Variants in PLXDC2 observed in about 807,000 individuals in gnomAD.
PLXDC2 encodes plexin domain containing 2.
A neutral mutation model predicts 68.9 loss-of-function variants in PLXDC2; 40 were observed. The ratio of observed to expected loss-of-function variants is 0.58; its 90% CI spans 0.45 to 0.76. The LOEUF (loss-of-function observed/expected upper bound fraction) is 0.76. PLXDC2 is among the 30% of genes least tolerant of loss of function. The pLI, the probability that PLXDC2 is intolerant of heterozygous loss-of-function variation, is 0.00. For missense variants in PLXDC2, 644 were observed against 661.9 expected, an observed-to-expected ratio of 0.97 and a Z score of 0.30; for synonymous variants, 243 against 234.2, an observed-to-expected ratio of 1.04 and a Z score of -0.34.
intron 1 of PLXDC2, among the ~76,000 whole-genome samples, chr10:19,820,228 A>G (rs1836438059): frequency 6.6e-6 from 1 of 152,182 alleles, no homozygotes; most frequent in Non-Finnish European, 1.5e-5. Flanking sequence ...TCAGAAATAA[A>G]CTCTTGTCAG....
intron 1 of PLXDC2, among the ~76,000 whole-genome samples, chr10:19,905,091 A>G (rs2131370174): frequency 6.6e-6 from 1 of 152,360 alleles, no homozygotes; most frequent in African/African-American, 2.4e-5. Flanking sequence ...AGGTGTAGGC[A>G]TAGGTAACAC....
intron 4 of PLXDC2, among the ~76,000 whole-genome samples, chr10:20,140,055 C>T (rs956316252): frequency 6.6e-5 from 10 of 152,072 alleles, no homozygotes; most frequent in African/African-American, 2.2e-4. Context: ...AATCCCAGCA[C>T]TTTGGGAGGC....
chr10:20,014,366 C>CCTTCCTTCCTTG (rs1835168801), intron 2 of PLXDC2, among the ~76,000 whole-genome samples: 1 of 70,020 alleles, frequency 1.4e-5, no homozygotes, highest in African/African-American at 4.8e-5. Context: ...TTCCTTCCTT[C>CCTTCCTTCCTTG]CTTCCTTCCT....
chr10:19,817,953 C>T (rs1439994924), intron 1 of PLXDC2, among the ~76,000 whole-genome samples: 2 of 152,152 alleles, frequency 1.3e-5, no homozygotes, highest in African/African-American at 4.8e-5. Flanking sequence ...GCGCGTCCTG[C>T]GGGGAGTTGC....
chr10:19,898,969 T>TTG (rs1311088252), intron 1 of PLXDC2, among the ~76,000 whole-genome samples: 1 of 152,170 alleles, frequency 6.6e-6, no homozygotes, highest in Non-Finnish European at 1.5e-5. Context: ...GCTTAACACT[T>TTG]TGTCTATGCT....
chr10:19,994,738 T>A (rs1834813116), intron 1 of PLXDC2, among the ~76,000 whole-genome samples: 1 of 151,300 alleles, frequency 6.6e-6, no homozygotes, highest in Non-Finnish European at 1.5e-5. Flanking sequence ...AATCATTCAT[T>A]TATTGATTTT....
intron 9 of PLXDC2, among the ~76,000 whole-genome samples, chr10:20,184,692 C>T (rs955530271): frequency 6.6e-6 from 1 of 151,818 alleles, no homozygotes; most frequent in African/African-American, 2.4e-5. Flanking sequence ...CCAATCCAAC[C>T]TTTCCCAAAT....
rs17687258 is a variant in PLXDC2, at chr10:19,970,508, A to C, written c.113-31267A>C. 1.4e-4 allele frequency among the ~76,000 whole-genome samples: 22 copies of C among 152,306 alleles called. 1 individual carries two copies. In the Middle Eastern group the frequency reaches 0.014, roughly 94 times the overall value. ...TGATGAAAGCCCTGTTGGATTACACACATCACCCTTCAGATTTCATAGCTG... is the reference window on the plus strand; with the variant it reads ...TGATGAAAGCCCTGTTGGATTACACCCATCACCCTTCAGATTTCATAGCTG... On this transcript the variant is annotated intron_variant, in intron 1 of 13. Coordinates refer to ENST00000377252, the MANE Select transcript of PLXDC2 (RefSeq NM_032812.9).
chr10:19,991,844 G>C (rs1834756422), intron 1 of PLXDC2, among the ~76,000 whole-genome samples: 1 of 152,164 alleles, frequency 6.6e-6, no homozygotes, highest in Non-Finnish European at 1.5e-5. Context: ...GGCCTCTTCT[G>C]CCTCAGCCAT....
intron 2 of PLXDC2, among the ~76,000 whole-genome samples, chr10:20,038,092 C>T (rs1188623221): frequency 2.0e-5 from 3 of 151,856 alleles, no homozygotes; most frequent in East Asian, 1.9e-4. Context: ...AAAAATTAGC[C>T]GGAAGTGGTG....
chr10:20,043,949 G>C (rs980680668), intron 2 of PLXDC2, among the ~76,000 whole-genome samples: 5 of 152,000 alleles, frequency 3.3e-5, no homozygotes, highest in Non-Finnish European at 5.9e-5. Context: ...AAAAAGACCT[G>C]TTTTTTCAGT....
chr10:19,979,124 A>G (rs1012651864), intron 1 of PLXDC2, among the ~76,000 whole-genome samples: 1 of 152,208 alleles, frequency 6.6e-6, no homozygotes, highest in Non-Finnish European at 1.5e-5. Context: ...TGTTTTAACC[A>G]AACATTCATA....
intron 11 of PLXDC2, among the ~76,000 whole-genome samples, chr10:20,218,626 A>G (rs1379595961): frequency 6.6e-6 from 1 of 152,142 alleles, no homozygotes; most frequent in Non-Finnish European, 1.5e-5. Context: ...ATGGGTAAAC[A>G]TTTAACTTTT....
intron 1 of PLXDC2, among the ~76,000 whole-genome samples, chr10:19,879,610 A>G (rs2131349521): frequency 6.6e-6 from 1 of 152,340 alleles, no homozygotes; most frequent in African/African-American, 2.4e-5. Context: ...AGACGGTTGT[A>G]TTGACTTGGC....
Position 20,081,889 on chromosome 10 carries a change from T to A in PLXDC2, c.541+13650T>A, listed in dbSNP as rs187208674. Among the ~76,000 whole-genome samples the A allele has an allele frequency of 3.4e-4, 51 of 151,028 alleles. 1 individual carries two copies. The highest frequency in any genetic ancestry group is 1.5e-3 in the Admixed American group (22 of 15,152). On this transcript the variant is annotated intron_variant, in intron 4 of 13. Coordinates refer to ENST00000377252, the MANE Select transcript of PLXDC2 (RefSeq NM_032812.9). ...CCCCATCTCTACTAGAAAAAAATTTTAAAAAATTAGCTGGGCATGGTGGCG... is the reference window on the plus strand; with the variant it reads ...CCCCATCTCTACTAGAAAAAAATTTAAAAAAATTAGCTGGGCATGGTGGCG...
intron 2 of PLXDC2, among the ~76,000 whole-genome samples, chr10:20,011,605 C>T (rs1342959150): frequency 6.6e-6 from 1 of 152,168 alleles, no homozygotes; most frequent in Non-Finnish European, 1.5e-5. Context: ...TGGGATCATT[C>T]ACTGGGCAAT....
intron 2 of PLXDC2, among the ~76,000 whole-genome samples, chr10:20,012,890 A>G (rs868071061): frequency 2.0e-5 from 3 of 152,136 alleles, no homozygotes; most frequent in Admixed American, 6.5e-5. Context: ...AAAGTACTGA[A>G]CTTGGCAGCC....
At chr10:20,241,810 C>T (rs1026511866) in intron 12 of PLXDC2, among the ~76,000 whole-genome samples, 1 of 151,968 alleles carries the variant, frequency 6.6e-6, no homozygotes, top group Non-Finnish European at 1.5e-5. Context: ...AGAAGTGAGG[C>T]GGAAATTTGT....
intron 1 of PLXDC2, among the ~76,000 whole-genome samples, chr10:19,853,584 C>T (rs946672643): frequency 2.7e-5 from 4 of 146,782 alleles, no homozygotes; most frequent in African/African-American, 9.8e-5. Flanking sequence ...CTTTCCCCTT[C>T]GAGTTTCTAT....
Sources: allele counts gnomAD v4.1 joint callset (sites outside exome capture counted in the v4.1 genomes callset), GRCh38; gene constraint gnomAD v4.1.1; transcripts MANE v1.5; gene names NCBI Gene and HGNC (gene_info 2026-07-23, HGNC 2026-07-21).